The following HRH1 variants were observed in gnomAD, a reference collection of about 807,000 sequenced individuals.
The protein encoded by HRH1 is histamine receptor H1.
A neutral mutation model predicts 10.3 loss-of-function variants in HRH1; 6 were observed. The observed-to-expected ratio is 0.58, with a 90% CI of 0.32 to 1.15. HRH1 has a LOEUF of 1.15. Ranked by LOEUF, HRH1 falls within the 50% of genes most tolerant of loss-of-function variation. The pLI is 0.05. For missense variants in HRH1, 514 were observed against 615.3 expected (o/e 0.84, Z 1.74); for synonymous variants, 242 against 236.7 (o/e 1.02, Z -0.21).
chr3:11,258,065 C>A (rs775572540), intron 1 of HRH1, among the ~76,000 whole-genome samples: 1 of 151,918 alleles, frequency 6.6e-6, no homozygotes, highest in South Asian at 2.1e-4. Flanking sequence ...AGTAAAATAA[C>A]GAATATGCTT....
intron 1 of HRH1, among the ~76,000 whole-genome samples, chr3:11,148,160 C>CA (rs1185613315): frequency 7.1e-6 from 1 of 141,306 alleles, no homozygotes; most frequent in Non-Finnish European, 1.5e-5. Context: ...GGCCTAGCAA[C>CA]AGAGTGAGAC....
intron 1 of HRH1, among the ~76,000 whole-genome samples, chr3:11,240,096 G>T (rs1939294423): frequency 6.6e-6 from 1 of 151,976 alleles, no homozygotes; most frequent in South Asian, 2.1e-4. Context: ...GTATAACTGT[G>T]GCTGCCAGAG....
intron 1 of HRH1, among the ~76,000 whole-genome samples, chr3:11,195,279 C>T (rs1297868934): frequency 6.6e-6 from 1 of 152,168 alleles, no homozygotes; most frequent in Admixed American, 6.5e-5. Flanking sequence ...AGTTGTTTTC[C>T]TTTTGAAAAG....
At chr3:11,171,757 C>A (rs975310068) in intron 1 of HRH1, among the ~76,000 whole-genome samples, 1 of 152,194 alleles carries the variant, frequency 6.6e-6, no homozygotes, top group African/African-American at 2.4e-5. Context: ...ACTCTGGGAC[C>A]GCTCTCAAAA....
At chr3:11,223,595 G>A (rs1308986113) in intron 1 of HRH1, among the ~76,000 whole-genome samples, 4 of 152,202 alleles carry the variant, frequency 2.6e-5, no homozygotes, top group Non-Finnish European at 5.9e-5. Context: ...GCTCTGAGGG[G>A]CCTCTGGGGA....
chr3:11,228,781 G>C (rs1938963059), intron 1 of HRH1, among the ~76,000 whole-genome samples: 1 of 152,070 alleles, frequency 6.6e-6, no homozygotes, highest in Non-Finnish European at 1.5e-5. Context: ...AGGCGTGGTG[G>C]TGCGTGCCTG....
intron 1 of HRH1, among the ~76,000 whole-genome samples, chr3:11,207,405 A>C (rs569354438): frequency 6.6e-6 from 1 of 152,120 alleles, no homozygotes; most frequent in East Asian, 1.9e-4. Context: ...TCTACTTAAA[A>C]AAAAAATACA....
At chr3:11,163,920 A>G (rs1574982620) in intron 1 of HRH1, among the ~76,000 whole-genome samples, 1 of 152,054 alleles carries the variant, frequency 6.6e-6, no homozygotes, top group African/African-American at 2.4e-5. Context: ...CACATCTTCC[A>G]TACATGTCCT....
chr3:11,194,799 A>AGC (rs1159474792), intron 1 of HRH1, among the ~76,000 whole-genome samples: 1 of 152,208 alleles, frequency 6.6e-6, no homozygotes, highest in East Asian at 1.9e-4. Context: ...GGGGCGACAG[A>AGC]GCGCGACTCT....
At chr3:11,153,163 G>A (rs1425561699), upstream of HRH1, among the ~76,000 whole-genome samples, 1 of 152,126 alleles carries the variant, frequency 6.6e-6, no homozygotes, top group African/African-American at 2.4e-5. Flanking sequence ...TCTCCTACAT[G>A]TGACCTTGTG....
intron 1 of HRH1, among the ~76,000 whole-genome samples, chr3:11,180,262 C>A (rs1187908840): frequency 6.6e-6 from 1 of 152,156 alleles, no homozygotes; most frequent in East Asian, 1.9e-4. Flanking sequence ...CCTACACCAG[C>A]AGTCCCCAAC....
At chr3:11,186,803 C>T (rs2125019555) in intron 1 of HRH1, among the ~76,000 whole-genome samples, 1 of 152,184 alleles carries the variant, frequency 6.6e-6, no homozygotes, top group South Asian at 2.1e-4. Context: ...GGCAGACAGG[C>T]AGCACAGAAG....
intron 1 of HRH1, among the ~76,000 whole-genome samples, chr3:11,241,499 C>T (rs1439280002): frequency 6.6e-6 from 1 of 152,044 alleles, no homozygotes; most frequent in African/African-American, 2.4e-5. Context: ...GAGTGTAAAA[C>T]GCACCAATCA....
intron 1 of HRH1, among the ~76,000 whole-genome samples, chr3:11,238,342 A>G (rs777402762): frequency 1.3e-5 from 2 of 152,306 alleles, no homozygotes; most frequent in Admixed American, 6.5e-5. Flanking sequence ...CATGATATCT[A>G]TTTTATCTAA....
At chr3:11,162,174 G>A (rs1159596689) in intron 1 of HRH1, among the ~76,000 whole-genome samples, 1 of 152,154 alleles carries the variant, frequency 6.6e-6, no homozygotes, top group African/African-American at 2.4e-5. Flanking sequence ...AGAAGGGACT[G>A]AGTTATACTT....
intron 1 of HRH1, among the ~76,000 whole-genome samples, chr3:11,163,101 C>T (rs1349930475): frequency 6.6e-6 from 1 of 152,046 alleles, no homozygotes; most frequent in African/African-American, 2.4e-5. Flanking sequence ...CCTTCTTGCC[C>T]TTCTGATCAC....
chr3:11,216,290 A>G (rs1938490912), intron 1 of HRH1, among the ~76,000 whole-genome samples: 2 of 152,200 alleles, frequency 1.3e-5, no homozygotes, highest in South Asian at 4.1e-4. Context: ...GAAAGAATTG[A>G]AAGCAGGGTC....
chr3:11,145,543 T>C (rs1298073015), intron 1 of HRH1, among the ~76,000 whole-genome samples: 2 of 152,206 alleles, frequency 1.3e-5, no homozygotes, highest in Non-Finnish European at 2.9e-5. Flanking sequence ...AGGTGAGATA[T>C]TGTTTTTGAA....
At chr3:11,137,641 T>TG (rs1936208451) in intron 1 of HRH1, among the ~76,000 whole-genome samples, 1 of 151,988 alleles carries the variant, frequency 6.6e-6, no homozygotes, top group African/African-American at 2.4e-5. Flanking sequence ...GGTGGAGTGA[T>TG]GGGGGAGGAG....
Sources: allele counts gnomAD v4.1 joint callset (sites outside exome capture counted in the v4.1 genomes callset), GRCh38; gene constraint gnomAD v4.1.1; transcripts MANE v1.5; gene names NCBI Gene and HGNC (gene_info 2026-07-23, HGNC 2026-07-21).